HCN1: variants seen among roughly 807,000 people sequenced by gnomAD.
The protein encoded by HCN1 is potassium/sodium hyperpolarization-activated cyclic nucleotide-gated channel 1.
HCN1 carries 13 observed loss-of-function variants against 78.9 expected under a neutral mutation model. That is an observed-to-expected ratio of 0.16 (90% CI 0.11 to 0.26). HCN1 has a LOEUF of 0.26. Ranked by LOEUF, HCN1 falls within the 10% of genes least tolerant of loss-of-function variation. The pLI is 1.00. For synonymous variants in HCN1, 552 were observed against 455.5 expected (o/e 1.21, Z -2.70); for missense variants, 810 against 1,154.3 (o/e 0.70, Z 4.32).
At chr5:45,344,750 G>T (rs1351597242) in intron 5 of HCN1, among the ~76,000 whole-genome samples, 1 of 152,332 alleles carries the variant, frequency 6.6e-6, no homozygotes, top group South Asian at 2.1e-4. Context: ...TATCCCTGTG[G>T]TTTTGCAGGG....
chr5:45,443,867 A>C (rs948628045), intron 3 of HCN1, among the ~76,000 whole-genome samples: 6 of 152,124 alleles, frequency 3.9e-5, no homozygotes, highest in African/African-American at 1.2e-4. Flanking sequence ...AATATTTATA[A>C]AACAAAACGT....
At chr5:45,279,862 T>C (rs531770049) in intron 6 of HCN1, among the ~76,000 whole-genome samples, 1 of 152,284 alleles carries the variant, frequency 6.6e-6, no homozygotes, top group Admixed American at 6.5e-5. Context: ...AATTATCAAA[T>C]ACTTAGCTGG....
intron 4 of HCN1, among the ~76,000 whole-genome samples, chr5:45,386,944 G>C (rs1338685610): frequency 6.6e-6 from 1 of 151,966 alleles, no homozygotes; most frequent in Non-Finnish European, 1.5e-5. Context: ...AATAACTTCA[G>C]TAAGTGGGAG....
At chr5:45,556,258 A>C (rs1238963781) in intron 2 of HCN1, among the ~76,000 whole-genome samples, 2 of 151,968 alleles carry the variant, frequency 1.3e-5, no homozygotes, top group Admixed American at 1.3e-4. Context: ...AACAATCAAC[A>C]AAGTAAAAAA....
chr5:45,328,244 C>G (rs1746274525), intron 5 of HCN1, among the ~76,000 whole-genome samples: 2 of 151,154 alleles, frequency 1.3e-5, no homozygotes, highest in Non-Finnish European at 3.0e-5. Flanking sequence ...TGCGGTGCCA[C>G]AGCAAAACTA....
chr5:45,689,876 T>C (rs1739873660), intron 1 of HCN1, among the ~76,000 whole-genome samples: 2 of 152,102 alleles, frequency 1.3e-5, no homozygotes, highest in South Asian at 4.1e-4. Context: ...ACATTTTCTG[T>C]CCTAAAACAG....
At chr5:45,509,677 G>C (rs547017305) in intron 2 of HCN1, among the ~76,000 whole-genome samples, 1 of 152,086 alleles carries the variant, frequency 6.6e-6, no homozygotes, top group Admixed American at 6.6e-5. Flanking sequence ...GAGGAGAGAC[G>C]GGCTACGTTG....
At chr5:45,432,448 T>G (rs1740482312) in intron 3 of HCN1, among the ~76,000 whole-genome samples, 1 of 152,088 alleles carries the variant, frequency 6.6e-6, no homozygotes. Context: ...ATTGCTCTAG[T>G]ACTTCTAGTA....
At chr5:45,524,956 C>G (rs1394959020) in intron 2 of HCN1, among the ~76,000 whole-genome samples, 6 of 152,072 alleles carry the variant, frequency 3.9e-5, no homozygotes, top group Non-Finnish European at 7.4e-5. Context: ...GGGAATGCTT[C>G]CAGTTTTTGC....
At position 45,685,377 on chromosome 5, in the gene HCN1, C is replaced by G. The variant is rs150043294; in HGVS notation, c.425+10292G>C. ...TCAATACGGTAGCATTCTATACCAA[C>G]TAAAGAGATTAAACTGGAAAATTTT... is the stretch of plus-strand genomic sequence containing the variant. On this transcript the variant is annotated intron_variant, in intron 1 of 7. Coordinates refer to ENST00000303230, the MANE Select transcript of HCN1 (RefSeq NM_021072.4). 5.3e-3 allele frequency among the ~76,000 whole-genome samples: 811 copies of G among 152,276 alleles called. 7 individuals are homozygous for G. Among genetic ancestry groups the G allele is most frequent in the African/African-American group, 0.018 (729 of 41,552 alleles).
At chr5:45,399,532 A>T (rs1267858857) in intron 3 of HCN1, among the ~76,000 whole-genome samples, 1 of 152,212 alleles carries the variant, frequency 6.6e-6, no homozygotes, top group Admixed American at 6.5e-5. Context: ...CCAAACCTGC[A>T]TTTGTCAAAT....
At chr5:45,592,197 T>C (rs1744379108) in intron 2 of HCN1, among the ~76,000 whole-genome samples, 2 of 152,146 alleles carry the variant, frequency 1.3e-5, no homozygotes, top group Admixed American at 1.3e-4. Context: ...TTATTTTAGC[T>C]TTATAGTAAG....
intron 2 of HCN1, chr5:45,558,644 G>A (rs531023064): frequency 1.3e-5 from 2 of 152,150 alleles, no homozygotes; most frequent in South Asian, 2.1e-4. Context: ...CTAAATTTAA[G>A]CAAATGCTCA....
At chr5:45,372,304 A>G (rs1410995952) in intron 4 of HCN1, among the ~76,000 whole-genome samples, 43 of 97,188 alleles carry the variant, frequency 4.4e-4, no homozygotes, top group African/African-American at 1.7e-3. Context: ...TATATAATAT[A>G]TAATATGTGA....
At chr5:45,303,134 G>A (rs1476796791) in intron 6 of HCN1, among the ~76,000 whole-genome samples, 1 of 152,060 alleles carries the variant, frequency 6.6e-6, no homozygotes, top group Non-Finnish European at 1.5e-5. Context: ...GCAATCATAT[G>A]TGAATAGCAA....
At chr5:45,422,901 GA>G (rs1301400021) in intron 3 of HCN1, among the ~76,000 whole-genome samples, 2 of 152,136 alleles carry the variant, frequency 1.3e-5, no homozygotes, top group Non-Finnish European at 2.9e-5. Flanking sequence ...GGGAGTGGGG[GA>G]TTAGGTGAGG....
At chr5:45,299,154 T>C (rs1745556965) in intron 6 of HCN1, among the ~76,000 whole-genome samples, 3 of 152,004 alleles carry the variant, frequency 2.0e-5, no homozygotes, top group African/African-American at 7.2e-5. Context: ...TCAGGTGGTA[T>C]TATGTATCAG....
At chr5:45,377,601 T>G (rs770580116) in intron 4 of HCN1, among the ~76,000 whole-genome samples, 2 of 151,924 alleles carry the variant, frequency 1.3e-5, no homozygotes, top group African/African-American at 4.8e-5. Flanking sequence ...AAAAAAGTGA[T>G]GTATTTGAGA....
At chr5:45,623,997 C>T (rs1745117864) in intron 2 of HCN1, among the ~76,000 whole-genome samples, 1 of 152,144 alleles carries the variant, frequency 6.6e-6, no homozygotes, top group Admixed American at 6.5e-5. Context: ...CATATAAAAA[C>T]CATGAGTCAA....
Sources: allele counts gnomAD v4.1 joint callset (sites outside exome capture counted in the v4.1 genomes callset), GRCh38; gene constraint gnomAD v4.1.1; transcripts MANE v1.5; gene names NCBI Gene and HGNC (gene_info 2026-07-23, HGNC 2026-07-21).